Variants in SH3D19 observed in about 807,000 individuals in gnomAD.
The protein encoded by SH3D19 is SH3 domain-containing protein 19.
SH3D19 carries 58 observed loss-of-function variants against 112.1 expected under a neutral mutation model. The ratio of observed to expected loss-of-function variants is 0.52; its 90% CI spans 0.42 to 0.64. SH3D19 has a LOEUF of 0.64. Ranked by LOEUF, SH3D19 falls within the 30% of genes least tolerant of loss-of-function variation. SH3D19 has a pLI of 0.00. For synonymous variants in SH3D19, 391 were observed against 448.5 expected, an observed-to-expected ratio of 0.87 and a Z score of 1.62; for missense variants, 1,090 against 1,263.4, an observed-to-expected ratio of 0.86 and a Z score of 2.08.
Position 151,120,593 on chromosome 4 carries a change from CTT to C in SH3D19, c.*1496_*1497del, listed in dbSNP as rs1747842725. ...TTGACAAGAATTTTCTTTATACTCT[CTT>C]CTTTACCAAAACGTATTAGAAGTCC... On this transcript the variant is annotated 3_prime_UTR_variant, in exon 20 of 20. Transcript: ENST00000604030. 6.6e-6 allele frequency: 1 copy of C among 152,158 alleles called. No homozygotes were observed. The highest frequency in any genetic ancestry group is 1.5e-5 in the Non-Finnish European group (1 of 68,012). The allele number at this position is 152,158 out of a possible 1,614,324, so 9.4% of individuals were successfully genotyped here.
intron 9 of SH3D19, among the ~76,000 whole-genome samples, chr4:151,153,870 T>G (rs1415601009): frequency 6.6e-6 from 1 of 152,220 alleles, no homozygotes; most frequent in African/African-American, 2.4e-5. Context: ...CTCCAGATGG[T>G]TTAATTTATT....
chr4:151,138,077 A>G (rs902350631), intron 13 of SH3D19, among the ~76,000 whole-genome samples: 3 of 152,202 alleles, frequency 2.0e-5, no homozygotes, highest in Admixed American at 6.5e-5. Context: ...CACATTTACC[A>G]TGCTTTGATT....
At chr4:151,286,751 G>A (rs1030536290) in intron 1 of SH3D19, among the ~76,000 whole-genome samples, 4 of 151,662 alleles carry the variant, frequency 2.6e-5, no homozygotes, top group South Asian at 4.2e-4. Context: ...AGGCCAAGGC[G>A]GACAGGTCAA....
At chr4:151,304,111 C>T (rs748735219) in intron 1 of SH3D19, among the ~76,000 whole-genome samples, 2 of 152,006 alleles carry the variant, frequency 1.3e-5, no homozygotes, top group African/African-American at 2.4e-5. Flanking sequence ...TACTACCCAA[C>T]CCAGCTCTGA....
rs1579637254 is a variant in SH3D19 at position 151,129,305 on chromosome 4, A to G, written c.2743-949T>C. Among the ~76,000 whole-genome samples, 4 of 152,340 alleles carry G rather than the reference A, an allele frequency of 2.6e-5. No individual in the cohort carries two copies. The East Asian group carries it at 7.7e-4, about 29-fold the overall frequency. ...GAAAGGTTTTGCTCTGTGAAGAGGCAGCTCTGCCAATTTGGGATGGGAACC... is the reference window on the plus strand; with the variant it reads ...GAAAGGTTTTGCTCTGTGAAGAGGCGGCTCTGCCAATTTGGGATGGGAACC... On this transcript the variant is annotated intron_variant, in intron 17 of 19. Coordinates refer to ENST00000604030, the MANE Select transcript of SH3D19 (RefSeq NM_001378122.1).
At chr4:151,318,866 C>T (rs1198994697) in intron 1 of SH3D19, among the ~76,000 whole-genome samples, 1 of 152,096 alleles carries the variant, frequency 6.6e-6, no homozygotes, top group Non-Finnish European at 1.5e-5. Context: ...AAACTGATAC[C>T]CACCATGGAC....
chr4:151,127,738 A>T, intron 18 of SH3D19, 23 bp from the exon 19 acceptor site: 1 of 1,439,388 alleles, frequency 6.9e-7, no homozygotes, highest in Non-Finnish European at 9.4e-7. Context: ...AAAAAATTTA[A>T]ATATATAGAA....
intron 2 of SH3D19, among the ~76,000 whole-genome samples, chr4:151,195,371 C>CAAAAAAAAAAAAAA (rs58618820): frequency 1.6e-4 from 11 of 66,788 alleles, no homozygotes; most frequent in Admixed American, 2.4e-4. Context: ...GACTCTGTCT[C>CAAAAAAAAAAAAAA]AAAAAAAAAA....
At chr4:151,250,816 T>G (rs1421028826) in intron 1 of SH3D19, among the ~76,000 whole-genome samples, 2 of 152,166 alleles carry the variant, frequency 1.3e-5, no homozygotes, top group African/African-American at 4.8e-5. Flanking sequence ...ACACAAAGTC[T>G]CCCAGCATGC....
chr4:151,247,976 C>T (rs1450979476), intron 1 of SH3D19, among the ~76,000 whole-genome samples: 3 of 152,156 alleles, frequency 2.0e-5, no homozygotes, highest in African/African-American at 7.2e-5. Flanking sequence ...TTCCTTACAG[C>T]CCCATTGGCA....
intron 12 of SH3D19, chr4:151,140,921 A>T (rs1752873339): frequency 6.6e-6 from 1 of 152,136 alleles, no homozygotes; most frequent in African/African-American, 2.4e-5. Context: ...TGCTCTTTCA[A>T]CCAAAATGCA....
chr4:151,165,240 G>A (rs1295746137), intron 8 of SH3D19, among the ~76,000 whole-genome samples: 1 of 152,124 alleles, frequency 6.6e-6, no homozygotes, highest in Non-Finnish European at 1.5e-5. Flanking sequence ...TACTCAGGAG[G>A]CTAAGACAGG....
At chr4:151,154,905 G>C (rs923060772) in intron 9 of SH3D19, among the ~76,000 whole-genome samples, 1 of 151,868 alleles carries the variant, frequency 6.6e-6, no homozygotes, top group Non-Finnish European at 1.5e-5. Flanking sequence ...TTACAGGCAC[G>C]CATCACCATG....
intron 2 of SH3D19, among the ~76,000 whole-genome samples, chr4:151,222,892 C>A (rs1768328584): frequency 6.6e-6 from 1 of 151,908 alleles, no homozygotes; most frequent in Non-Finnish European, 1.5e-5. Flanking sequence ...GCCTCGAACT[C>A]CTGACCTCAA....
In SH3D19 at chr4:151,276,215, T is replaced by A. The variant is rs560977607; in HGVS notation, c.112+49026A>T. Among the ~76,000 whole-genome samples, 5 of 152,232 alleles carry A rather than the reference T, an allele frequency of 3.3e-5. No individual in the cohort carries two copies. The South Asian group carries it at 1.0e-3, about 32-fold the overall frequency. On this transcript the variant is annotated intron_variant, in intron 1 of 19. Transcript: ENST00000604030. ...TTAAGTTGCAAGAGAGCAGTAACAT[T>A]TTAATAGTTCATTGAATTCTGCCTC... is the stretch of plus-strand genomic sequence containing the variant.
intron 8 of SH3D19, among the ~76,000 whole-genome samples, chr4:151,164,451 A>G (rs959320798): frequency 4.6e-5 from 7 of 152,186 alleles, no homozygotes; most frequent in African/African-American, 1.7e-4. Context: ...CTTTCCCATT[A>G]TAATAAATAT....
At position 151,215,452 on chromosome 4, in the gene SH3D19, A is replaced by G. The variant is rs1396664237; in HGVS notation, c.152+10595T>C. ...ATAGTTGAGGGAATGTTTGTATTGT[A>G]GACACAATGTTACTCTGAAGCCTCC... On this transcript the variant is annotated intron_variant, in intron 2 of 19. Coordinates refer to ENST00000604030, the MANE Select transcript of SH3D19 (RefSeq NM_001378122.1). Among the ~76,000 whole-genome samples, 6 of 152,358 alleles carry G rather than the reference A, an allele frequency of 3.9e-5. No individual in the cohort carries two copies. The South Asian group carries it at 1.0e-3, about 26-fold the overall frequency.
chr4:151,283,375 GA>G, intron 1 of SH3D19: 1 of 1,187,028 alleles, frequency 8.4e-7, no homozygotes, highest in Non-Finnish European at 1.2e-6. Flanking sequence ...AGTGGATTGG[GA>G]GTCAGGAGAT....
At chr4:151,255,128 C>A (rs568885839) in intron 1 of SH3D19, among the ~76,000 whole-genome samples, 1,489 of 146,416 alleles carry the variant, frequency 0.01, 23 homozygotes, top group African/African-American at 0.032. Flanking sequence ...GGGGGGCTGA[C>A]CCCCCCCACC....
Sources: gnomAD v4.1 joint callset for allele counts (sites outside exome capture counted in the v4.1 genomes callset) on GRCh38, gnomAD v4.1.1 for gene constraint, MANE v1.5 for transcripts, NCBI Gene and HGNC (gene_info 2026-07-23, HGNC 2026-07-21) for gene names.